AUTS2: variants seen among roughly 807,000 people sequenced by gnomAD.
AUTS2 encodes activator of transcription and developmental regulator AUTS2.
In AUTS2, 17 loss-of-function variants were observed where a neutral mutation model predicts 112.4. The observed-to-expected ratio is 0.15, with a 90% CI of 0.10 to 0.23. The LOEUF (loss-of-function observed/expected upper bound fraction) is 0.23, where lower values mean the gene tolerates loss of function less well. AUTS2 is among the 10% of genes least tolerant of loss of function. The probability of loss-of-function intolerance (pLI) is 1.00; values close to 1 mark genes in which losing one functional copy is unlikely to be tolerated. For missense variants in AUTS2, 1,510 were observed against 1,701.6 expected, an observed-to-expected ratio of 0.89 and a Z score of 1.98; for synonymous variants, 751 against 702.7, an observed-to-expected ratio of 1.07 and a Z score of -1.09.
At chr7:70,225,490 A>G (rs1670029106) in intron 4 of AUTS2, among the ~76,000 whole-genome samples, 1 of 152,194 alleles carries the variant, frequency 6.6e-6, no homozygotes, top group African/African-American at 2.4e-5. Flanking sequence ...TCATATGAAA[A>G]GTTGTAATCC....
chr7:70,351,001 C>T, intron 4 of AUTS2, among the ~76,000 whole-genome samples: 1 of 149,864 alleles, frequency 6.7e-6, no homozygotes, highest in African/African-American at 2.4e-5. Flanking sequence ...GCTTATTTCA[C>T]TTATCATCGT....
chr7:69,743,115 C>T (rs1358888103), intron 1 of AUTS2, among the ~76,000 whole-genome samples: 1 of 152,140 alleles, frequency 6.6e-6, no homozygotes, highest in Non-Finnish European at 1.5e-5. Context: ...CTCTCACTTA[C>T]CTGAAAATTG....
intron 5 of AUTS2, among the ~76,000 whole-genome samples, chr7:70,459,007 C>T (rs1796858193): frequency 6.6e-6 from 1 of 152,176 alleles, no homozygotes; most frequent in South Asian, 2.1e-4. Context: ...TGCAGACAGT[C>T]CACACATAGG....
At chr7:70,358,278 A>G (rs1792102859) in intron 4 of AUTS2, among the ~76,000 whole-genome samples, 1 of 152,204 alleles carries the variant, frequency 6.6e-6, no homozygotes, top group South Asian at 2.1e-4. Context: ...GCCATTCTTT[A>G]TTAAATGAAG....
intron 2 of AUTS2, among the ~76,000 whole-genome samples, chr7:70,072,796 C>T (rs1045445398): frequency 1.3e-5 from 2 of 152,044 alleles, no homozygotes; most frequent in African/African-American, 4.8e-5. Context: ...AAAAAAATAT[C>T]GTGTTTGTTA....
chr7:70,042,821 A>G (rs1319202624), intron 2 of AUTS2, among the ~76,000 whole-genome samples: 2 of 152,106 alleles, frequency 1.3e-5, no homozygotes, highest in Non-Finnish European at 2.9e-5. Context: ...CCAGTTGCAC[A>G]TTTGCTGTGA....
intron 4 of AUTS2, among the ~76,000 whole-genome samples, chr7:70,432,865 GA>G (rs1420824972): frequency 4.6e-5 from 7 of 152,158 alleles, no homozygotes; most frequent in Non-Finnish European, 8.8e-5. Context: ...TTTAATACCA[GA>G]AATGGAACTG....
chr7:70,204,495 G>A (rs1810469773), intron 4 of AUTS2, among the ~76,000 whole-genome samples: 1 of 152,078 alleles, frequency 6.6e-6, no homozygotes, highest in South Asian at 2.1e-4. Flanking sequence ...GTCGGGGGGT[G>A]GGGAGAATGG....
At chr7:70,597,336 A>G (rs1239402562) in intron 5 of AUTS2, among the ~76,000 whole-genome samples, 2 of 152,222 alleles carry the variant, frequency 1.3e-5, no homozygotes, top group African/African-American at 4.8e-5. Context: ...CCGGGGTATT[A>G]ACCCCGATTT....
At chr7:70,609,797 A>T (rs1246690515) in intron 5 of AUTS2, among the ~76,000 whole-genome samples, 1 of 152,052 alleles carries the variant, frequency 6.6e-6, no homozygotes, top group Non-Finnish European at 1.5e-5. Flanking sequence ...TTCTTTATCT[A>T]TTCATCTGTC....
intron 5 of AUTS2, among the ~76,000 whole-genome samples, chr7:70,504,631 T>A (rs1387418334): frequency 1.3e-5 from 2 of 152,212 alleles, no homozygotes; most frequent in African/African-American, 4.8e-5. Context: ...GATTGGTATC[T>A]TCTCCTTTGA....
chr7:70,564,374 G>T (rs1464553396), intron 5 of AUTS2, among the ~76,000 whole-genome samples: 1 of 152,266 alleles, frequency 6.6e-6, no homozygotes. Context: ...TTTATACCCA[G>T]CACATAAAAA....
chr7:70,444,379 A>T (rs1219661948), intron 5 of AUTS2, among the ~76,000 whole-genome samples: 23 of 128,246 alleles, frequency 1.8e-4, no homozygotes, highest in Non-Finnish European at 2.9e-4. Context: ...TGTGTGAGAG[A>T]GAGAGAGAGA....
intron 5 of AUTS2, among the ~76,000 whole-genome samples, chr7:70,504,011 A>G (rs1309029687): frequency 6.7e-6 from 1 of 149,150 alleles, no homozygotes; most frequent in African/African-American, 2.4e-5. Flanking sequence ...TGAAACAAAA[A>G]TTTTGAATTT....
intron 2 of AUTS2, among the ~76,000 whole-genome samples, chr7:70,053,638 A>G (rs1387043447): frequency 6.6e-6 from 1 of 150,422 alleles, no homozygotes; most frequent in African/African-American, 2.5e-5. Context: ...CTCCAGGGCT[A>G]AAGTAATCCT....
chr7:70,541,365 G>A (rs901732409), intron 5 of AUTS2, among the ~76,000 whole-genome samples: 4 of 152,148 alleles, frequency 2.6e-5, no homozygotes, highest in East Asian at 1.9e-4. Context: ...TAAAAGGGTC[G>A]TTCATTTATT....
At chr7:70,531,587 C>G (rs1800095243) in intron 5 of AUTS2, among the ~76,000 whole-genome samples, 1 of 152,018 alleles carries the variant, frequency 6.6e-6, no homozygotes, top group African/African-American at 2.4e-5. Context: ...AAAGAAAGGG[C>G]TTGGGGGTGG....
At chr7:70,370,308 A>G (rs965568464) in intron 4 of AUTS2, among the ~76,000 whole-genome samples, 5 of 152,062 alleles carry the variant, frequency 3.3e-5, no homozygotes, top group Non-Finnish European at 5.9e-5. Context: ...TGCACTCCCT[A>G]TCCATACCTC....
intron 2 of AUTS2, among the ~76,000 whole-genome samples, chr7:69,944,129 G>T (rs552560216): frequency 1.3e-5 from 2 of 152,282 alleles, no homozygotes; most frequent in East Asian, 1.9e-4. Context: ...GCTGCGATGT[G>T]GGGGAGACAG....
Sources: allele counts gnomAD v4.1 joint callset (sites outside exome capture counted in the v4.1 genomes callset), GRCh38; gene constraint gnomAD v4.1.1; transcripts MANE v1.5; gene names NCBI Gene and HGNC (gene_info 2026-07-23, HGNC 2026-07-21).